Variants in SMAD1 observed in about 807,000 individuals in gnomAD.
SMAD1 encodes the protein MAD, mothers against decapentaplegic homolog 1.
SMAD1 carries 6 observed loss-of-function variants against 41.6 expected under a neutral mutation model. The observed-to-expected ratio is 0.14, with a 90% CI of 0.08 to 0.28. SMAD1 has a LOEUF of 0.28. Among genes scored for constraint, SMAD1 ranks in the 10% least tolerant of loss-of-function variants. The probability of loss-of-function intolerance (pLI) is 1.00; values close to 1 mark genes in which losing one functional copy is unlikely to be tolerated. For synonymous variants in SMAD1, 206 were observed against 203.2 expected (o/e 1.01, Z -0.12); for missense variants, 379 against 582.6 (o/e 0.65, Z 3.60).
chr4:145,487,479 G>A (rs1266021051), intron 1 of SMAD1, among the ~76,000 whole-genome samples: 1 of 152,022 alleles, frequency 6.6e-6, no homozygotes, highest in African/African-American at 2.4e-5. Context: ...TAACAAATAG[G>A]GGCATGTCCT....
intron 1 of SMAD1, among the ~76,000 whole-genome samples, chr4:145,483,418 C>T (rs2126923151): frequency 6.6e-6 from 1 of 152,270 alleles, no homozygotes; most frequent in East Asian, 1.9e-4. Context: ...AAACTGTTCC[C>T]TGCCCATGTT....
intron 2 of SMAD1, among the ~76,000 whole-genome samples, chr4:145,523,597 CGTT>C (rs1431864653): frequency 6.6e-6 from 1 of 151,844 alleles, no homozygotes; most frequent in Admixed American, 6.6e-5. Flanking sequence ...AAATAACTAT[CGTT>C]ATTATATGTT....
intron 3 of SMAD1, among the ~76,000 whole-genome samples, chr4:145,541,793 A>T (rs896792142): frequency 7.2e-5 from 11 of 152,204 alleles, no homozygotes; most frequent in African/African-American, 2.7e-4. Context: ...CATATGCTAG[A>T]TGGGCTCATG....
intron 2 of SMAD1, among the ~76,000 whole-genome samples, chr4:145,535,135 A>T (rs924231767): frequency 6.6e-6 from 1 of 152,220 alleles, no homozygotes; most frequent in African/African-American, 2.4e-5. Context: ...GAGAAATGTA[A>T]ATTAAAATTG....
intron 1 of SMAD1, among the ~76,000 whole-genome samples, chr4:145,499,554 T>G (rs1729303568): frequency 1.3e-5 from 2 of 152,056 alleles, no homozygotes; most frequent in Non-Finnish European, 2.9e-5. Context: ...CTGGGAGGTC[T>G]AGGCTGCAGT....
chr4:145,509,479 G>C (rs1578765140), intron 1 of SMAD1, among the ~76,000 whole-genome samples: 1 of 152,070 alleles, frequency 6.6e-6, no homozygotes, highest in African/African-American at 2.4e-5. Flanking sequence ...GATTTTGGGG[G>C]TATTTGTTTA....
intron 1 of SMAD1, among the ~76,000 whole-genome samples, chr4:145,512,341 GTCTT>G (rs1225148325): frequency 6.6e-6 from 1 of 152,162 alleles, no homozygotes; most frequent in Non-Finnish European, 1.5e-5. Context: ...CTCTGTTACA[GTCTT>G]TCTTCTTTTC....
At chr4:145,545,534 A>G (rs1416695678) in intron 4 of SMAD1, 1 of 118,076 alleles carries the variant, frequency 8.5e-6, no homozygotes, top group Non-Finnish European at 1.6e-5. Flanking sequence ...GGGTTTTTTC[A>G]TGAGTATTTT....
At chr4:145,502,328 T>G (rs958905126) in intron 1 of SMAD1, among the ~76,000 whole-genome samples, 1 of 152,074 alleles carries the variant, frequency 6.6e-6, no homozygotes, top group Non-Finnish European at 1.5e-5. Context: ...AATTTGGGAA[T>G]GGGGGTTCAA....
chr4:145,514,113 G>T lies in SMAD1; in HGVS notation c.-176-325G>T, dbSNP rs1393673488. ...AGGGCTCTCTTCCTGGCTTGCAGATGATCACCTTCTTGCAGTACCCTCAGT... is the reference window on the plus strand; with the variant it reads ...AGGGCTCTCTTCCTGGCTTGCAGATTATCACCTTCTTGCAGTACCCTCAGT... On this transcript the variant is annotated intron_variant, in intron 1 of 6. Coordinates refer to ENST00000302085, the MANE Select transcript of SMAD1 (RefSeq NM_005900.3). The surrounding 1 kb of genome is among the most constrained non-coding windows in gnomAD (Gnocchi z 4.7). 1.3e-5 allele frequency among the ~76,000 whole-genome samples: 2 copies of T among 152,176 alleles called. No homozygotes were observed. Among genetic ancestry groups the T allele is most frequent in the Admixed American group, 1.3e-4 (2 of 15,282 alleles).
intron 2 of SMAD1, among the ~76,000 whole-genome samples, chr4:145,521,862 G>T (rs974472891): frequency 6.8e-6 from 1 of 146,378 alleles, no homozygotes. Flanking sequence ...AACTGCATGT[G>T]AATCTACAAT....
rs527858355 is a variant in SMAD1 at position 145,509,394 on chromosome 4, TAAAAC to T, written c.-176-5039_-176-5035del. ...TTGAATGAATGTCGATTTGAATAGTTAAAACAAAAATCTGAAATGGTGGTTCTTAT... is the reference window on the plus strand; with the variant it reads ...TTGAATGAATGTCGATTTGAATAGTTAAAAATCTGAAATGGTGGTTCTTAT... On this transcript the variant is annotated intron_variant, in intron 1 of 6. Transcript: ENST00000302085. Among the ~76,000 whole-genome samples the T allele has an allele frequency of 2.9e-3, 441 of 152,264 alleles. 5 individuals carry two copies. The highest frequency in any genetic ancestry group is 7.4e-4 in the Non-Finnish European group (50 of 68,018).
At chr4:145,534,327 C>T (rs1311381002) in intron 2 of SMAD1, among the ~76,000 whole-genome samples, 1 of 152,212 alleles carries the variant, frequency 6.6e-6, no homozygotes, top group East Asian at 1.9e-4. Context: ...TTCAGAAGGG[C>T]ATTTCAGCAT....
chr4:145,491,656 C>A (rs1317545708), intron 1 of SMAD1, among the ~76,000 whole-genome samples: 2 of 152,092 alleles, frequency 1.3e-5, no homozygotes, highest in Non-Finnish European at 2.9e-5. Flanking sequence ...CAAGGAGGTA[C>A]AAGATATATA....
intron 2 of SMAD1, among the ~76,000 whole-genome samples, chr4:145,522,650 GA>G (rs754986042): frequency 6.6e-6 from 1 of 151,986 alleles, no homozygotes; most frequent in East Asian, 1.9e-4. Flanking sequence ...ACCACATTGT[GA>G]ATGTGTTTTG....
At chr4:145,489,498 A>G (rs1728664089) in intron 1 of SMAD1, among the ~76,000 whole-genome samples, 1 of 152,098 alleles carries the variant, frequency 6.6e-6, no homozygotes, top group Non-Finnish European at 1.5e-5. Context: ...AAAACAAAAA[A>G]CCATGAAGGC....
intron 5 of SMAD1, among the ~76,000 whole-genome samples, chr4:145,551,434 C>CA (rs1732550900): frequency 6.6e-6 from 1 of 152,002 alleles, no homozygotes; most frequent in African/African-American, 2.4e-5. Flanking sequence ...TAAAAAGCAA[C>CA]AAAAGACCAT....
At chr4:145,526,473 A>G (rs1174224157) in intron 2 of SMAD1, among the ~76,000 whole-genome samples, 2 of 152,260 alleles carry the variant, frequency 1.3e-5, no homozygotes, top group Non-Finnish European at 2.9e-5. Context: ...ATAAATGTCT[A>G]TTCACATATA....
At position 145,514,518 on chromosome 4, in the gene SMAD1, C is replaced by G; in HGVS notation, c.-96C>G. 2 of 1,217,942 alleles carry G rather than the reference C, an allele frequency of 1.6e-6. No individual in the cohort carries two copies. Among genetic ancestry groups the G allele is most frequent in the Non-Finnish European group, 2.3e-6 (2 of 877,080 alleles). 75.4% of individuals were successfully genotyped at this position (1,217,942 alleles called of 1,614,324 possible). A position where few individuals can be genotyped will look rare whatever the true frequency, so the allele number is the denominator to read the frequency against. The stretch of plus-strand genomic sequence containing the variant: ...ACTTCAAACTAAGAAGTTAAAGAGA[C>G]TTCTCTGTAAATAAACAAATCTCTT... On this transcript the variant is annotated 5_prime_UTR_variant, in exon 2 of 7. Coordinates refer to ENST00000302085, the MANE Select transcript of SMAD1 (RefSeq NM_005900.3). The surrounding 1 kb of genome is among the most constrained non-coding windows in gnomAD (Gnocchi z 4.7).
Sources: gnomAD v4.1 joint callset for allele counts (sites outside exome capture counted in the v4.1 genomes callset) on GRCh38, gnomAD v4.1.1 for gene constraint, Gnocchi (gnomAD v3.1) non-coding constraint, MANE v1.5 for transcripts, NCBI Gene and HGNC (gene_info 2026-07-23, HGNC 2026-07-21) for gene names.